The following GRIA1 variants were observed in gnomAD, a reference collection of about 807,000 sequenced individuals.
GRIA1 encodes the protein glutamate ionotropic receptor AMPA type subunit 1.
In GRIA1, 31 loss-of-function variants were observed where a neutral mutation model predicts 99.2. That is an observed-to-expected ratio of 0.31 (90% CI 0.23 to 0.42). GRIA1 has a LOEUF of 0.42. Among genes scored for constraint, GRIA1 ranks in the 10% least tolerant of loss-of-function variants. The probability of loss-of-function intolerance (pLI) is 1.00; values close to 1 mark genes in which losing one functional copy is unlikely to be tolerated. For synonymous variants in GRIA1, 438 were observed against 432.4 expected (o/e 1.01, Z -0.16); for missense variants, 782 against 1,157.5 (o/e 0.68, Z 4.71).
chr5:153,683,833 G>A (rs1311891361), intron 7 of GRIA1, among the ~76,000 whole-genome samples: 1 of 152,166 alleles, frequency 6.6e-6, no homozygotes, highest in Admixed American at 6.5e-5. Flanking sequence ...AATGTGCTAA[G>A]TACTTCTTGG....
chr5:153,540,033 T>C (rs539933372), intron 2 of GRIA1, among the ~76,000 whole-genome samples: 1 of 152,352 alleles, frequency 6.6e-6, no homozygotes, highest in African/African-American at 2.4e-5. Context: ...TGAAAATCTG[T>C]GCTGAGGCCA....
chr5:153,665,692 A>T (rs2149476020), intron 5 of GRIA1, among the ~76,000 whole-genome samples: 1 of 152,330 alleles, frequency 6.6e-6, no homozygotes, highest in African/African-American at 2.4e-5. Flanking sequence ...AGCCCTTAAG[A>T]GAGAAATCAA....
At chr5:153,757,440 G>A (rs1424135550) in intron 11 of GRIA1, among the ~76,000 whole-genome samples, 1 of 152,156 alleles carries the variant, frequency 6.6e-6, no homozygotes, top group Non-Finnish European at 1.5e-5. Flanking sequence ...TCCAGGTAGA[G>A]GAAGGTCAAA....
At chr5:153,697,337 C>T (rs571475699) in intron 8 of GRIA1, among the ~76,000 whole-genome samples, 13 of 152,320 alleles carry the variant, frequency 8.5e-5, no homozygotes, top group Admixed American at 5.9e-4. Context: ...TGCCTGACAA[C>T]AAGCAACACT....
chr5:153,743,220 G>A (rs1761931609), intron 11 of GRIA1, among the ~76,000 whole-genome samples: 1 of 152,194 alleles, frequency 6.6e-6, no homozygotes, highest in African/African-American at 2.4e-5. Flanking sequence ...AATGGCTTAA[G>A]GGAGTATTGT....
chr5:153,511,205 G>T (rs998014004), intron 2 of GRIA1, among the ~76,000 whole-genome samples: 1 of 152,158 alleles, frequency 6.6e-6, no homozygotes, highest in Non-Finnish European at 1.5e-5. Context: ...AACAAGTAAG[G>T]ATGGCTGACA....
intron 5 of GRIA1, among the ~76,000 whole-genome samples, chr5:153,659,667 C>T (rs1017255520): frequency 5.3e-5 from 8 of 152,132 alleles, no homozygotes; most frequent in African/African-American, 1.9e-4. Context: ...CACCAACAAG[C>T]GAATGCTTCA....
intron 2 of GRIA1, among the ~76,000 whole-genome samples, chr5:153,553,201 A>G (rs1386275206): frequency 6.6e-6 from 1 of 152,232 alleles, no homozygotes; most frequent in Non-Finnish European, 1.5e-5. Flanking sequence ...AGCCAAAAGA[A>G]CATTATTTCA....
rs74702103 is a variant in GRIA1 at position 153,689,482 on chromosome 5, C to T, written c.1134+3153C>T. On this transcript the variant is annotated intron_variant, in intron 8 of 15. Transcript: ENST00000285900. Reference sequence around the variant, plus strand: ...AATATGGATGTCGAACTGTTTTCCCCAACTCTGGAGTAGTGGATTAGCTTA... The same window carrying T: ...AATATGGATGTCGAACTGTTTTCCCTAACTCTGGAGTAGTGGATTAGCTTA... Among the ~76,000 whole-genome samples, 344 of 152,292 alleles carry T rather than the reference C, an allele frequency of 2.3e-3. 10 individuals are homozygous for T. In the East Asian group the frequency reaches 0.053, roughly 23 times the overall value.
chr5:153,657,501 C>T (rs961053832), intron 5 of GRIA1, among the ~76,000 whole-genome samples: 4 of 152,156 alleles, frequency 2.6e-5, no homozygotes, highest in Non-Finnish European at 5.9e-5. Flanking sequence ...TCAGTTTTAA[C>T]CATGTTATTT....
chr5:153,490,849 A>T lies in GRIA1; in HGVS notation c.-40A>T. On this transcript the variant is annotated 5_prime_UTR_variant, in exon 1 of 16. Transcript: ENST00000285900. The stretch of plus-strand genomic sequence containing the variant: ...AAGGGGGGGAAACACCAAATCTATG[A>T]TTGGACCTGGGCTTCTTTTTCGCCA... 6.9e-7 allele frequency: 1 copy of T among 1,443,870 alleles called. No homozygotes were observed. The highest frequency in any genetic ancestry group is 9.8e-7 in the Non-Finnish European group (1 of 1,024,678). The allele number at this position is 1,443,870 out of a possible 1,614,324, so 89.4% of individuals were successfully genotyped here.
chr5:153,742,459 A>G (rs1447492503), intron 11 of GRIA1, among the ~76,000 whole-genome samples: 3 of 152,212 alleles, frequency 2.0e-5, no homozygotes, highest in Non-Finnish European at 4.4e-5. Context: ...ATATTATCTT[A>G]CAGTTCTGTA....
At chr5:153,633,649 G>GTA (rs1236519253) in intron 2 of GRIA1, among the ~76,000 whole-genome samples, 1 of 152,154 alleles carries the variant, frequency 6.6e-6, no homozygotes, top group Non-Finnish European at 1.5e-5. Flanking sequence ...AGAAGAAAAT[G>GTA]TATAAGTTAG....
chr5:153,657,675 A>T (rs370490166), intron 5 of GRIA1, among the ~76,000 whole-genome samples: 2 of 152,332 alleles, frequency 1.3e-5, no homozygotes, highest in Admixed American at 6.5e-5. Flanking sequence ...CTTCTTTCTG[A>T]CCTGGTATCC....
chr5:153,800,486 G>A (rs911718288), intron 14 of GRIA1, among the ~76,000 whole-genome samples: 2 of 152,162 alleles, frequency 1.3e-5, no homozygotes, highest in African/African-American at 4.8e-5. Flanking sequence ...CCCTTATCAG[G>A]CCATTATAGA....
chr5:153,508,821 A>G (rs1302568398), intron 2 of GRIA1, among the ~76,000 whole-genome samples: 1 of 151,994 alleles, frequency 6.6e-6, no homozygotes, highest in Non-Finnish European at 1.5e-5. Flanking sequence ...TGCAGGCTGC[A>G]GTCTGTAGGT....
chr5:153,761,272 T>A (rs757216001), intron 11 of GRIA1, among the ~76,000 whole-genome samples: 1 of 152,146 alleles, frequency 6.6e-6, no homozygotes, highest in Non-Finnish European at 1.5e-5. Context: ...TTGCAAGCTA[T>A]GTATCTTACA....
At chr5:153,670,256 T>A (rs949437221) in intron 5 of GRIA1, among the ~76,000 whole-genome samples, 1 of 152,166 alleles carries the variant, frequency 6.6e-6, no homozygotes, top group Admixed American at 6.5e-5. Flanking sequence ...AGTGACCTAA[T>A]AGCCCTAGGA....
At chr5:153,578,487 C>CAG (rs1408159993) in intron 2 of GRIA1, among the ~76,000 whole-genome samples, 1 of 152,076 alleles carries the variant, frequency 6.6e-6, no homozygotes, top group African/African-American at 2.4e-5. Flanking sequence ...ATCAGGAAAA[C>CAG]AGAGAAAGTA....
Sources: allele counts gnomAD v4.1 joint callset (sites outside exome capture counted in the v4.1 genomes callset), GRCh38; gene constraint gnomAD v4.1.1; transcripts MANE v1.5; gene names NCBI Gene and HGNC (gene_info 2026-07-23, HGNC 2026-07-21).